The following NEMP2 variants were observed in gnomAD, a reference collection of about 807,000 sequenced individuals.
NEMP2 encodes the protein UPF0571 transmembrane protein.
NEMP2 carries 53 observed loss-of-function variants against 54.2 expected under a neutral mutation model. That is an observed-to-expected ratio of 0.98 (90% CI 0.78 to 1.23). The LOEUF (loss-of-function observed/expected upper bound fraction) is 1.23. NEMP2 is among the 50% of genes most tolerant of loss of function. The pLI is 0.00. For missense variants in NEMP2, 455 were observed against 511.3 expected, an observed-to-expected ratio of 0.89 and a Z score of 1.06; for synonymous variants, 197 against 190.3, an observed-to-expected ratio of 1.04 and a Z score of -0.29.
the NEMP2 span, among the ~76,000 whole-genome samples, chr2:190,594,555 T>G: frequency 6.6e-6 from 1 of 152,144 alleles, no homozygotes; most frequent in Non-Finnish European, 1.5e-5. This position sits in a 1 kb window ranked among gnomAD's most constrained non-coding sequence, Gnocchi z 5.6. Flanking sequence ...TGGTAGGTAT[T>G]CAAAAAATAT....
chr2:190,632,075 AG>A, the NEMP2 span, among the ~76,000 whole-genome samples: 1 of 152,182 alleles, frequency 6.6e-6, no homozygotes, highest in South Asian at 2.1e-4. This position sits in a 1 kb window ranked among gnomAD's most constrained non-coding sequence, Gnocchi z 4.8. Flanking sequence ...AAAAAAGAAA[AG>A]AAAAGAAAAG....
chr2:190,580,978 ACCC>A, the NEMP2 span, among the ~76,000 whole-genome samples: 1 of 152,210 alleles, frequency 6.6e-6, no homozygotes, highest in African/African-American at 2.4e-5. The surrounding 1 kb of genome is among the most constrained non-coding windows in gnomAD (Gnocchi z 5.3). Flanking sequence ...ATTGGATTCC[ACCC>A]TGTTTCTCTT....
the NEMP2 span, among the ~76,000 whole-genome samples, chr2:190,477,681 C>T: frequency 2.0e-5 from 3 of 152,282 alleles, no homozygotes; most frequent in Non-Finnish European, 4.4e-5. Flanking sequence ...CATATATTAA[C>T]TCAGGCCACA....
chr2:190,527,959 G>T lies in NEMP2; in HGVS notation c.98-2581C>A, dbSNP rs1304133828. 6.6e-6 allele frequency among the ~76,000 whole-genome samples: 1 copy of T among 152,072 alleles called. No homozygotes were observed. ...GGAAAAACTGTCTTCCATGAAACTG[G>T]TCCCTGTTGCTAAAAGGTTGAAGAC... On this transcript the variant is annotated intron_variant, in intron 1 of 8. Transcript: ENST00000409150. The surrounding 1 kb of genome is among the most constrained non-coding windows in gnomAD (Gnocchi z 4.0).
At chr2:190,455,338 T>C in the NEMP2 span, among the ~76,000 whole-genome samples, 45 of 152,346 alleles carry the variant, frequency 3.0e-4, no homozygotes, top group African/African-American at 1.1e-3. Flanking sequence ...TATTACAACA[T>C]CTTTGTGAAA....
the NEMP2 span, chr2:190,628,119 G>A: frequency 6.6e-6 from 1 of 152,312 alleles, no homozygotes; most frequent in Non-Finnish European, 1.5e-5. The surrounding 1 kb of genome is among the most constrained non-coding windows in gnomAD (Gnocchi z 4.1). Context: ...TAAAATAATA[G>A]AATCGCAGCG....
At chr2:190,498,277 A>G in the NEMP2 span, among the ~76,000 whole-genome samples, 4 of 152,212 alleles carry the variant, frequency 2.6e-5, no homozygotes, top group African/African-American at 7.2e-5. The surrounding 1 kb of genome is among the most constrained non-coding windows in gnomAD (Gnocchi z 5.9). Flanking sequence ...GGATAATTGT[A>G]CAGGTGTATC....
the NEMP2 span, among the ~76,000 whole-genome samples, chr2:190,600,725 G>A: frequency 6.6e-6 from 1 of 152,176 alleles, no homozygotes; most frequent in Admixed American, 6.5e-5. This position sits in a 1 kb window ranked among gnomAD's most constrained non-coding sequence, Gnocchi z 4.9. Flanking sequence ...ATCAGATGCA[G>A]ATGCCCAGTC....
chr2:190,441,071 G>A, the NEMP2 span, among the ~76,000 whole-genome samples: 1 of 152,130 alleles, frequency 6.6e-6, no homozygotes, highest in Non-Finnish European at 1.5e-5. Context: ...GGCCACTGAA[G>A]GGTTTAAGGA....
chr2:190,566,871 AAACC>A, the NEMP2 span, among the ~76,000 whole-genome samples: 1 of 152,156 alleles, frequency 6.6e-6, no homozygotes, highest in South Asian at 2.1e-4. Flanking sequence ...TACAAAAGTG[AAACC>A]CATCACTCTA....
At chr2:190,475,797 C>A in the NEMP2 span, among the ~76,000 whole-genome samples, 7 of 152,282 alleles carry the variant, frequency 4.6e-5, no homozygotes, top group East Asian at 1.3e-3. Flanking sequence ...CATCACACTA[C>A]CTGACTTCAA....
chr2:190,455,724 G>A, the NEMP2 span, among the ~76,000 whole-genome samples: 1 of 151,906 alleles, frequency 6.6e-6, no homozygotes, highest in South Asian at 2.1e-4. Flanking sequence ...CAGGGGCATC[G>A]TGCGGAGGTC....
the NEMP2 span, among the ~76,000 whole-genome samples, chr2:190,604,045 CTTCT>C: frequency 1.2e-4 from 19 of 152,164 alleles, no homozygotes; most frequent in African/African-American, 4.3e-4. The surrounding 1 kb of genome is among the most constrained non-coding windows in gnomAD (Gnocchi z 4.5). Flanking sequence ...ATGTCATTTA[CTTCT>C]TTCTCTATTA....
rs1205239236 is a variant in NEMP2 at position 190,531,505 on chromosome 2, T to G, written c.97+3054A>C. The stretch of plus-strand genomic sequence containing the variant: ...TTCTAGAGAACAGTATATTTCTGGA[T>G]AGTTGTGCCCAAATTTCTAAGATGT... On this transcript the variant is annotated intron_variant, in intron 1 of 8. Coordinates refer to ENST00000409150, the MANE Select transcript of NEMP2 (RefSeq NM_001142645.2). This position sits in a 1 kb window ranked among gnomAD's most constrained non-coding sequence, Gnocchi z 4.7. 1.3e-5 allele frequency among the ~76,000 whole-genome samples: 2 copies of G among 152,236 alleles called. No homozygotes were observed. Among genetic ancestry groups the G allele is most frequent in the Non-Finnish European group, 2.9e-5 (2 of 68,036 alleles).
chr2:190,475,007 T>C, the NEMP2 span, among the ~76,000 whole-genome samples: 1 of 152,122 alleles, frequency 6.6e-6, no homozygotes, highest in African/African-American at 2.4e-5. Context: ...CTTTGCAAAA[T>C]TCAACAACCC....
At chr2:190,591,171 C>A in the NEMP2 span, among the ~76,000 whole-genome samples, 1 of 152,078 alleles carries the variant, frequency 6.6e-6, no homozygotes, top group Non-Finnish European at 1.5e-5. This position sits in a 1 kb window ranked among gnomAD's most constrained non-coding sequence, Gnocchi z 5.4. Flanking sequence ...GTTTTCTTTG[C>A]CAGTTGCCAT....
chr2:190,488,548 C>A, the NEMP2 span: 3 of 1,055,728 alleles, frequency 2.8e-6, no homozygotes, highest in Non-Finnish European at 1.3e-6. This position sits in a 1 kb window ranked among gnomAD's most constrained non-coding sequence, Gnocchi z 6.4. Context: ...GTATGTTTTC[C>A]CACAACAAAT....
the NEMP2 span, among the ~76,000 whole-genome samples, chr2:190,570,175 C>G: frequency 2.6e-5 from 4 of 152,178 alleles, no homozygotes. This position sits in a 1 kb window ranked among gnomAD's most constrained non-coding sequence, Gnocchi z 5.4. Flanking sequence ...CCATAAAAAT[C>G]CCTTATAAGG....
rs866380230 is a variant in NEMP2 at position 190,521,694 on chromosome 2, G to A, written c.214-2511C>T. On this transcript the variant is annotated intron_variant, in intron 2 of 8. Coordinates refer to ENST00000409150, the MANE Select transcript of NEMP2 (RefSeq NM_001142645.2). The surrounding 1 kb of genome is among the most constrained non-coding windows in gnomAD (Gnocchi z 6.2). The stretch of plus-strand genomic sequence containing the variant: ...CATTCCTAAAAGGCCACCCTGACAA[G>A]GTCACTGGTGCTTCCATGTTGCTAA... 6.6e-6 allele frequency among the ~76,000 whole-genome samples: 1 copy of A among 152,160 alleles called. No individual in the cohort carries two copies. Among genetic ancestry groups the A allele is most frequent in the Admixed American group, 6.5e-5 (1 of 15,274 alleles).
Sources: allele counts gnomAD v4.1 joint callset (sites outside exome capture counted in the v4.1 genomes callset), GRCh38; gene constraint gnomAD v4.1.1; non-coding constraint Gnocchi (gnomAD v3.1); transcripts MANE v1.5; gene names NCBI Gene and HGNC (gene_info 2026-07-23, HGNC 2026-07-21).